The following NEURL1 variants were observed in gnomAD, a reference collection of about 807,000 sequenced individuals.
NEURL1 encodes neuralized E3 ubiquitin protein ligase 1.
In NEURL1, 26 loss-of-function variants were observed where a neutral mutation model predicts 41.2. That is an observed-to-expected ratio of 0.63 (90% CI 0.46 to 0.87). The LOEUF is 0.87. NEURL1 is among the 40% of genes least tolerant of loss of function. The pLI, the probability that NEURL1 is intolerant of heterozygous loss-of-function variation, is 0.00. For synonymous variants in NEURL1, 400 were observed against 402.3 expected (o/e 0.99, Z 0.07); for missense variants, 761 against 871.1 (o/e 0.87, Z 1.59).
chr10:103,552,648 G>A (rs1055034024), intron 1 of NEURL1, among the ~76,000 whole-genome samples: 2 of 152,194 alleles, frequency 1.3e-5, no homozygotes, highest in African/African-American at 2.4e-5. Context: ...CTTCTGGACT[G>A]GAAGTCCGCG....
rs1267645235 is a variant in NEURL1, at chr10:103,545,782, A to G, written c.86-25090A>G. ...AGCATTTTCAGGTTTATGCCTTGCA[A>G]CCTGTGAGAGCTGGCACCCCCTGCC... On this transcript the variant is annotated intron_variant, in intron 1 of 5. Transcript: ENST00000369780. The surrounding 1 kb of genome is among the most constrained non-coding windows in gnomAD (Gnocchi z 4.5). Among the ~76,000 whole-genome samples, 1 of 152,156 alleles carries G rather than the reference A, an allele frequency of 6.6e-6. No individual in the cohort carries two copies. Among genetic ancestry groups the G allele is most frequent in the Non-Finnish European group, 1.5e-5 (1 of 68,032 alleles).
intron 1 of NEURL1, among the ~76,000 whole-genome samples, chr10:103,562,921 T>C (rs2035334873): frequency 6.6e-6 from 1 of 152,238 alleles, no homozygotes; most frequent in African/African-American, 2.4e-5. Flanking sequence ...AGTTTAATTC[T>C]GCCCAGTTTT....
intron 1 of NEURL1, among the ~76,000 whole-genome samples, chr10:103,499,690 A>G (rs1372817786): frequency 6.6e-6 from 1 of 151,694 alleles, no homozygotes; most frequent in Non-Finnish European, 1.5e-5. Flanking sequence ...GATGGTCTGG[A>G]ACTCCTGGAC....
chr10:103,543,305 G>A (rs1328232508), intron 1 of NEURL1, among the ~76,000 whole-genome samples: 1 of 152,176 alleles, frequency 6.6e-6, no homozygotes, highest in South Asian at 2.1e-4. Context: ...CTTTCTGCTC[G>A]AGTGAGCACA....
intron 1 of NEURL1, among the ~76,000 whole-genome samples, chr10:103,569,617 G>C (rs1362642744): frequency 3.3e-5 from 5 of 152,226 alleles, no homozygotes; most frequent in Non-Finnish European, 7.3e-5. Flanking sequence ...ACTATCCAGA[G>C]GCCATTCAGC....
At chr10:103,533,567 C>T (rs1361085220) in intron 1 of NEURL1, among the ~76,000 whole-genome samples, 9 of 150,616 alleles carry the variant, frequency 6.0e-5, no homozygotes, top group Admixed American at 2.6e-4. Flanking sequence ...GATGGAGTCT[C>T]ACTCTGTCGC....
At chr10:103,567,455 A>C (rs1353872453) in intron 1 of NEURL1, among the ~76,000 whole-genome samples, 1 of 151,526 alleles carries the variant, frequency 6.6e-6, no homozygotes, top group African/African-American at 2.4e-5. Context: ...CATGATCATG[A>C]CTCACTGCAG....
At chr10:103,538,479 G>T (rs2034745025) in intron 1 of NEURL1, among the ~76,000 whole-genome samples, 1 of 150,652 alleles carries the variant, frequency 6.6e-6, no homozygotes, top group Non-Finnish European at 1.5e-5. Context: ...GCTGAGGCAG[G>T]AGAATCACTT....
chr10:103,559,892 A>T (rs555511585), intron 1 of NEURL1, among the ~76,000 whole-genome samples: 1 of 151,996 alleles, frequency 6.6e-6, no homozygotes, highest in South Asian at 2.1e-4. Context: ...ACATACACAC[A>T]TGCATGCACA....
rs1293327089 is a variant in NEURL1, at chr10:103,571,093, T to C, written c.307T>C (p.Tyr103His). The C allele has an allele frequency of 8.7e-6, 14 of 1,613,596 alleles. No individual in the cohort carries two copies. Among genetic ancestry groups the C allele is most frequent in the Non-Finnish European group, 1.2e-5 (14 of 1,179,976 alleles). The change falls in exon 2 of 6, where the codon TAC becomes CAC. Residue 103 changes from tyrosine (Y) to histidine (H), a missense_variant. This residue lies in a region of NEURL1 where 65 missense variants were observed against 131.6 expected (regional missense o/e 0.49). Coordinates refer to ENST00000369780, the MANE Select transcript of NEURL1 (RefSeq NM_004210.5). ...CTTCAGCAACCGCCCGGTCCTCATC[T>C]ACGAGCAAGTCAGGCTGAAGGTGGG... Reference protein sequence around the residue: ...ITFSNRPVLIYEQVRLKITKK... With the variant: ...ITFSNRPVLIHEQVRLKITKK...
In NEURL1 at chr10:103,589,587, TGCCCTGGGCAGCC is replaced by T; in HGVS notation, c.1417_1429del (p.Leu473CysfsTer27). 6.2e-7 allele frequency: 1 copy of T among 1,613,976 alleles called. No individual in the cohort carries two copies. The highest frequency in any genetic ancestry group is 8.5e-7 in the Non-Finnish European group (1 of 1,179,906). ...CTGCCTCCACGCCAACCTCGCCCAG[TGCCCTGGGCAGCC>T]GCCTGTCTGACCCCTTGCTCAGCAC... is the stretch of plus-strand genomic sequence containing the variant. On this transcript the variant is annotated frameshift_variant, in exon 5 of 6. Transcript: ENST00000369780. LOFTEE classifies it high-confidence loss of function.
Position 103,590,382 on chromosome 10 carries a change from G to A in NEURL1, c.*10G>A, listed in dbSNP as rs2036015599. The A allele has an allele frequency of 6.2e-7, 1 of 1,607,852 alleles. No individual in the cohort carries two copies. Among genetic ancestry groups the A allele is most frequent in the Non-Finnish European group, 8.5e-7 (1 of 1,174,764 alleles). On this transcript the variant is annotated 3_prime_UTR_variant, in exon 6 of 6. Transcript: ENST00000369780. Reference sequence around the variant, plus strand: ...CTACCGCAGCTCCTAGCCCGTTGCGGTGGCCCATCCCGCATACCCATCTTC... The same window carrying A: ...CTACCGCAGCTCCTAGCCCGTTGCGATGGCCCATCCCGCATACCCATCTTC...
At position 103,508,465 on chromosome 10, in the gene NEURL1, G is replaced by A. The variant is rs138175480; in HGVS notation, c.85+13993G>A. ...CCCTGACTTCTCTTCCAGCCCCGAG[G>A]GACAAAGGCAGACCTTGGACTCAAT... On this transcript the variant is annotated intron_variant, in intron 1 of 5. Coordinates refer to ENST00000369780, the MANE Select transcript of NEURL1 (RefSeq NM_004210.5). This position sits in a 1 kb window ranked among gnomAD's most constrained non-coding sequence, Gnocchi z 4.3. Among the ~76,000 whole-genome samples the A allele has an allele frequency of 8.5e-5, 13 of 152,250 alleles. No homozygotes were observed. Among genetic ancestry groups the A allele is most frequent in the African/African-American group, 2.6e-4 (11 of 41,554 alleles).
chr10:103,561,019 G>A (rs1271598446), intron 1 of NEURL1, among the ~76,000 whole-genome samples: 3 of 152,234 alleles, frequency 2.0e-5, no homozygotes, highest in Admixed American at 1.3e-4. Flanking sequence ...TGTCTGTCAT[G>A]AGGTTGCAAT....
chr10:103,588,120 T>C (rs556358491), intron 4 of NEURL1, among the ~76,000 whole-genome samples: 30 of 151,780 alleles, frequency 2.0e-4, no homozygotes, highest in Non-Finnish European at 3.8e-4. Flanking sequence ...CTGGTTAACA[T>C]GATGAAACCC....
At chr10:103,585,282 G>A (rs931510873) in intron 4 of NEURL1, 57 bp downstream of exon 4, 1 of 1,390,864 alleles carries the variant, frequency 7.2e-7, no homozygotes, top group Non-Finnish European at 9.4e-7. Context: ...GGGACGATCC[G>A]GGTAGGAGAC....
At chr10:103,580,351 G>A (rs1056512796) in intron 3 of NEURL1, among the ~76,000 whole-genome samples, 19 of 152,184 alleles carry the variant, frequency 1.2e-4, no homozygotes, top group African/African-American at 3.9e-4. Flanking sequence ...CACGTGTCCC[G>A]GCACCGATTA....
At chr10:103,510,455 C>T (rs951872693) in intron 1 of NEURL1, among the ~76,000 whole-genome samples, 2 of 152,144 alleles carry the variant, frequency 1.3e-5, no homozygotes, top group African/African-American at 2.4e-5. Context: ...GAGCACACAT[C>T]GAGTGGGACA....
intron 3 of NEURL1, among the ~76,000 whole-genome samples, chr10:103,576,644 T>C (rs2035672187): frequency 6.6e-6 from 1 of 152,098 alleles, no homozygotes. Flanking sequence ...CAGGCTGATC[T>C]GGGAGTAAGG....
Sources: allele counts gnomAD v4.1 joint callset (sites outside exome capture counted in the v4.1 genomes callset), GRCh38; gene constraint gnomAD v4.1.1; regional missense constraint gnomAD v4.1.1; non-coding constraint Gnocchi (gnomAD v3.1); transcripts MANE v1.5; gene names NCBI Gene and HGNC (gene_info 2026-07-23, HGNC 2026-07-21).